Variants in SORCS2 observed in about 807,000 individuals in gnomAD.
SORCS2 encodes the protein sortilin related VPS10 domain containing receptor 2.
Under a neutral mutation model 141.6 loss-of-function variants are expected in SORCS2, and 100 were observed. That is an observed-to-expected ratio of 0.71 (90% confidence interval 0.60 to 0.83). SORCS2 has a LOEUF of 0.83. SORCS2 is among the 40% of genes least tolerant of loss of function. SORCS2 has a pLI of 0.00. For missense variants in SORCS2, 1,646 were observed against 1,560.2 expected (o/e 1.05, Z -0.93); for synonymous variants, 789 against 676.9 (o/e 1.17, Z -2.57).
intron 1 of SORCS2, among the ~76,000 whole-genome samples, chr4:7,382,547 A>C (rs767526161): frequency 9.2e-5 from 14 of 152,150 alleles, no homozygotes; most frequent in Non-Finnish European, 1.2e-4. Flanking sequence ...TGGGTCCCAG[A>C]CTGGACTGCA....
chr4:7,737,762 C>T (rs1205674246), intron 26 of SORCS2, among the ~76,000 whole-genome samples: 1 of 152,226 alleles, frequency 6.6e-6, no homozygotes, highest in Non-Finnish European at 1.5e-5. Flanking sequence ...GCCGTTTTCT[C>T]TTCTGGTGTC....
At chr4:7,540,784 C>A (rs1712581717) in intron 3 of SORCS2, among the ~76,000 whole-genome samples, 1 of 152,226 alleles carries the variant, frequency 6.6e-6, no homozygotes, top group Non-Finnish European at 1.5e-5. Context: ...CCCCCCTGCC[C>A]CCCGCACCCC....
chr4:7,364,279 C>A (rs1721752633), intron 1 of SORCS2, among the ~76,000 whole-genome samples: 1 of 152,250 alleles, frequency 6.6e-6, no homozygotes. Flanking sequence ...TGAATCCACT[C>A]TCAGGCAGCT....
At chr4:7,469,467 T>C (rs891830641) in intron 2 of SORCS2, among the ~76,000 whole-genome samples, 1 of 152,340 alleles carries the variant, frequency 6.6e-6, no homozygotes, top group Non-Finnish European at 1.5e-5. Context: ...TCCCTCAGGC[T>C]CCCTGGCAGG....
At chr4:7,573,291 T>G (rs1236676549) in intron 3 of SORCS2, among the ~76,000 whole-genome samples, 1 of 152,184 alleles carries the variant, frequency 6.6e-6, no homozygotes, top group Non-Finnish European at 1.5e-5. Flanking sequence ...AAAGGTGTTG[T>G]CTTCATAAAA....
intron 1 of SORCS2, among the ~76,000 whole-genome samples, chr4:7,251,929 T>A (rs4234799): frequency 6.6e-6 from 1 of 151,994 alleles, no homozygotes; most frequent in South Asian, 2.1e-4. Flanking sequence ...GGACTGGGCA[T>A]CCCACATTCT....
chr4:7,567,959 A>T (rs1397824553), intron 3 of SORCS2, among the ~76,000 whole-genome samples: 4 of 152,208 alleles, frequency 2.6e-5, no homozygotes, highest in Non-Finnish European at 5.9e-5. Flanking sequence ...TCTCTTTGAC[A>T]TATTCCGATC....
chr4:7,688,810 C>T lies in SORCS2; in HGVS notation c.1489-676C>T, dbSNP rs992692704. ...TCTCGTGGTGCACCCAAGGAGGGCT[C>T]GGCCAGCCAGACCTCTGGGACCCAG... On this transcript the variant is annotated intron_variant, in intron 10 of 26. Coordinates refer to ENST00000507866, the MANE Select transcript of SORCS2 (RefSeq NM_020777.3). 2.6e-5 allele frequency among the ~76,000 whole-genome samples: 4 copies of T among 152,266 alleles called. No individual in the cohort carries two copies. The South Asian group carries it at 8.3e-4, about 32-fold the overall frequency.
At chr4:7,265,048 C>A (rs940667494) in intron 1 of SORCS2, among the ~76,000 whole-genome samples, 1 of 152,254 alleles carries the variant, frequency 6.6e-6, no homozygotes, top group African/African-American at 2.4e-5. Context: ...TCCCCGATGC[C>A]TCTGGAGTTG....
At chr4:7,709,127 C>T (rs1299171220) in intron 14 of SORCS2, among the ~76,000 whole-genome samples, 3 of 152,206 alleles carry the variant, frequency 2.0e-5, no homozygotes, top group Non-Finnish European at 4.4e-5. Flanking sequence ...TCTGCCTGCA[C>T]TCTGTTTGTG....
At chr4:7,659,304 C>T (rs550402276) in intron 5 of SORCS2, among the ~76,000 whole-genome samples, 8 of 152,074 alleles carry the variant, frequency 5.3e-5, no homozygotes, top group South Asian at 2.1e-4. Flanking sequence ...AAAAAAAATC[C>T]GTACTCCCCT....
chr4:7,432,133 C>A (rs990678316), intron 2 of SORCS2: 1 of 152,362 alleles, frequency 6.6e-6, no homozygotes, highest in Non-Finnish European at 1.5e-5. Context: ...GATGGAAACC[C>A]CCCCCGGAGG....
chr4:7,542,535 C>A (rs906925265), intron 3 of SORCS2, among the ~76,000 whole-genome samples: 4 of 152,090 alleles, frequency 2.6e-5, no homozygotes, highest in African/African-American at 9.7e-5. Flanking sequence ...GCCTTGGAGC[C>A]CACGACACCA....
At chr4:7,673,719 G>C (rs573100562) in intron 8 of SORCS2, among the ~76,000 whole-genome samples, 1 of 152,140 alleles carries the variant, frequency 6.6e-6, no homozygotes. Flanking sequence ...CATTTACCCA[G>C]GTTATGTAAA....
At chr4:7,360,410 G>T (rs991202386) in intron 1 of SORCS2, among the ~76,000 whole-genome samples, 1 of 151,772 alleles carries the variant, frequency 6.6e-6, no homozygotes, top group Non-Finnish European at 1.5e-5. Flanking sequence ...ACCCCAGCAG[G>T]TCCTACCTCC....
intron 17 of SORCS2, among the ~76,000 whole-genome samples, chr4:7,715,983 C>A (rs1008564623): frequency 6.6e-6 from 1 of 152,238 alleles, no homozygotes; most frequent in African/African-American, 2.4e-5. Flanking sequence ...TTGCTGAATA[C>A]AAGCTGTGCA....
intron 11 of SORCS2, among the ~76,000 whole-genome samples, chr4:7,691,871 G>A (rs1724278144): frequency 6.6e-6 from 1 of 151,970 alleles, no homozygotes; most frequent in African/African-American, 2.4e-5. Flanking sequence ...CCAGAATGAG[G>A]GTCTCGGTCT....
intron 2 of SORCS2, among the ~76,000 whole-genome samples, chr4:7,476,815 G>A (rs557870294): frequency 1.6e-4 from 24 of 152,280 alleles, no homozygotes; most frequent in Non-Finnish European, 2.6e-4. Flanking sequence ...GTCATCATTT[G>A]ACATCCTATC....
chr4:7,426,017 C>T (rs1281766492), intron 2 of SORCS2, among the ~76,000 whole-genome samples: 1 of 152,234 alleles, frequency 6.6e-6, no homozygotes, highest in Non-Finnish European at 1.5e-5. Context: ...TCAGGAGGGC[C>T]AGCCCCTGGG....
Sources: allele counts gnomAD v4.1 joint callset (sites outside exome capture counted in the v4.1 genomes callset), GRCh38; gene constraint gnomAD v4.1.1; transcripts MANE v1.5; gene names NCBI Gene and HGNC (gene_info 2026-07-23, HGNC 2026-07-21).